The following GNAL variants were observed in gnomAD, a reference collection of about 807,000 sequenced individuals.
The protein encoded by GNAL is guanine nucleotide-binding protein G(olf) subunit alpha.
GNAL carries 18 observed loss-of-function variants against 55.1 expected under a neutral mutation model. That is an observed-to-expected ratio of 0.33 (90% confidence interval 0.23 to 0.48). GNAL has a LOEUF of 0.48. Among genes scored for constraint, GNAL ranks in the 20% least tolerant of loss-of-function variants. The pLI, the probability that GNAL is intolerant of heterozygous loss-of-function variation, is 0.99. For missense variants in GNAL, 412 were observed against 614.1 expected, an observed-to-expected ratio of 0.67 and a Z score of 3.48; for synonymous variants, 253 against 237.0, an observed-to-expected ratio of 1.07 and a Z score of -0.62.
intron 4 of GNAL, among the ~76,000 whole-genome samples, chr18:11,791,731 A>G (rs879621148): frequency 3.9e-5 from 6 of 152,204 alleles, no homozygotes; most frequent in Non-Finnish European, 8.8e-5. Flanking sequence ...ACAGATATCT[A>G]TCAAGTTTTC....
intron 5 of GNAL, among the ~76,000 whole-genome samples, chr18:11,858,461 C>T (rs1408257054): frequency 6.6e-6 from 1 of 152,148 alleles, no homozygotes; most frequent in African/African-American, 2.4e-5. Context: ...AATGTTATAA[C>T]CCTTTAAAAT....
intron 1 of GNAL, among the ~76,000 whole-genome samples, chr18:11,717,064 C>T (rs768082041): frequency 2.0e-5 from 3 of 152,216 alleles, no homozygotes; most frequent in Non-Finnish European, 2.9e-5. Context: ...TCACGCATGG[C>T]GGGCTGCAGG....
In GNAL at chr18:11,752,788, C is replaced by T; in HGVS notation, c.377-65C>T. On this transcript the variant is annotated intron_variant, in intron 1 of 11. Transcript: ENST00000334049. This position sits in a 1 kb window ranked among gnomAD's most constrained non-coding sequence, Gnocchi z 4.5. ...GGGGAGGAGGATTGCTCAGACCCGG[C>T]TAGTGGTGAGAGATGGCAGCGATAT... The T allele has an allele frequency of 2.4e-6, 3 of 1,242,390 alleles. No individual in the cohort carries two copies. The highest frequency in any genetic ancestry group is 2.4e-5 in the South Asian group (2 of 83,572). The allele number at this position is 1,242,390 out of a possible 1,614,324, so 77.0% of individuals were successfully genotyped here. A position where few individuals can be genotyped will look rare whatever the true frequency, so the allele number is the denominator to read the frequency against.
chr18:11,730,352 GT>G (rs2032310316), intron 1 of GNAL, among the ~76,000 whole-genome samples: 1 of 151,762 alleles, frequency 6.6e-6, no homozygotes. Context: ...AGAGATGGGG[GT>G]TTCCCCACGT....
Position 11,753,118 on chromosome 18 carries a change from A to G in GNAL, c.449+193A>G, listed in dbSNP as rs977343967. Among the ~76,000 whole-genome samples, 10 of 152,198 alleles carry G rather than the reference A, an allele frequency of 6.6e-5. No homozygotes were observed. In the East Asian group the frequency reaches 1.9e-3, roughly 29 times the overall value. ...CTTCTTCTGCTAGTGTCTAATGAAA[A>G]AAAAACTTGCTTAACAAAATATGAT... On this transcript the variant is annotated intron_variant, in intron 2 of 11. Coordinates refer to ENST00000334049, the MANE Select transcript of GNAL (RefSeq NM_182978.4).
chr18:11,837,387 G>A (rs1230329888), intron 5 of GNAL, among the ~76,000 whole-genome samples: 2 of 152,202 alleles, frequency 1.3e-5, no homozygotes, highest in Non-Finnish European at 1.5e-5. Flanking sequence ...TAAAGGACTT[G>A]TATCTAGAAT....
intron 4 of GNAL, among the ~76,000 whole-genome samples, chr18:11,813,306 C>T (rs1354622253): frequency 6.6e-6 from 1 of 150,754 alleles, no homozygotes; most frequent in East Asian, 1.9e-4. Context: ...CAATTATGTT[C>T]ATGGATTACA....
intron 4 of GNAL, among the ~76,000 whole-genome samples, chr18:11,791,190 G>T (rs2034225001): frequency 6.6e-6 from 1 of 152,150 alleles, no homozygotes; most frequent in Non-Finnish European, 1.5e-5. Flanking sequence ...GTTTGTGTGG[G>T]TTCTTAAGCC....
chr18:11,715,234 C>T (rs535968912), intron 1 of GNAL, among the ~76,000 whole-genome samples: 37 of 151,590 alleles, frequency 2.4e-4, no homozygotes, highest in African/African-American at 4.8e-4. Flanking sequence ...CCGAGGTGGG[C>T]GGATCACAAG....
intron 4 of GNAL, among the ~76,000 whole-genome samples, chr18:11,814,381 AGCCAGGCATTGTG>A (rs543336292): frequency 4.9e-4 from 74 of 152,178 alleles, no homozygotes; most frequent in African/African-American, 1.7e-3. Context: ...AAAAAATATT[AGCCAGGCATTGTG>A]GCAGGTGCCT....
chr18:11,871,138 G>A (rs1343786523), intron 9 of GNAL, among the ~76,000 whole-genome samples: 1 of 151,650 alleles, frequency 6.6e-6, no homozygotes, highest in African/African-American at 2.4e-5. Context: ...ATTTTTTTCT[G>A]TATGTTTTTC....
rs2031176223 is a variant in GNAL, at chr18:11,689,783, A to C, written c.220A>C (p.Lys74Gln). The change falls in exon 1 of 12, where the codon AAG becomes CAG. Residue 74 changes from lysine (K) to glutamine (Q), a missense_variant. Lys to Gln is a moderately conservative substitution (Grantham distance 53). Transcript: ENST00000334049. ...ARPKADKPKE[K>Q]RQRTEQLSAE... ...GCCCAAAGCAGACAAGCCGAAGGAG[A>C]AGCGGCAGCGCACCGAGCAGCTGAG... 5 of 1,531,648 alleles carry C rather than the reference A, an allele frequency of 3.3e-6. No individual in the cohort carries two copies. The highest frequency in any genetic ancestry group is 2.0e-5 in the Admixed American group (1 of 50,476). The allele number at this position is 1,531,648 out of a possible 1,614,324, so 94.9% of individuals were successfully genotyped here.
At chr18:11,693,730 T>A (rs1167582860) in intron 1 of GNAL, among the ~76,000 whole-genome samples, 1 of 143,112 alleles carries the variant, frequency 7.0e-6, no homozygotes, top group Non-Finnish European at 1.5e-5. Context: ...GTGCACTTGC[T>A]CCAGCAGTGT....
intron 4 of GNAL, among the ~76,000 whole-genome samples, chr18:11,789,618 A>C (rs2034172607): frequency 6.6e-6 from 1 of 152,246 alleles, no homozygotes; most frequent in South Asian, 2.1e-4. Context: ...TATAAGCATA[A>C]ACAAAATGTA....
rs1304492744 is a variant in GNAL, at chr18:11,815,973, G to T, written c.625-8945G>T. 5.3e-5 allele frequency among the ~76,000 whole-genome samples: 8 copies of T among 151,992 alleles called. 1 individual carries two copies. The Middle Eastern group carries it at 0.01, about 194-fold the overall frequency. ...GAATAATTAAAATTAAGAAAATGAAGCCAAGCACTGGTGAGGATGTGCAAT... is the reference window on the plus strand; with the variant it reads ...GAATAATTAAAATTAAGAAAATGAATCCAAGCACTGGTGAGGATGTGCAAT... On this transcript the variant is annotated intron_variant, in intron 4 of 11. Transcript: ENST00000334049.
At chr18:11,801,910 G>A (rs1290612973) in intron 4 of GNAL, among the ~76,000 whole-genome samples, 1 of 152,142 alleles carries the variant, frequency 6.6e-6, no homozygotes, top group Non-Finnish European at 1.5e-5. Context: ...TTAGACACCT[G>A]AGTAGGGACC....
chr18:11,705,730 C>T (rs2031693106), intron 1 of GNAL, among the ~76,000 whole-genome samples: 5 of 150,906 alleles, frequency 3.3e-5, no homozygotes, highest in Admixed American at 3.3e-4. Context: ...TTTTCATATA[C>T]CTGCTGGACA....
chr18:11,879,931 A>G (rs1005970672), intron 11 of GNAL, among the ~76,000 whole-genome samples: 1 of 152,252 alleles, frequency 6.6e-6, no homozygotes, highest in African/African-American at 2.4e-5. Flanking sequence ...TGCACCGTCC[A>G]GTACAGAACC....
At chr18:11,712,600 A>G (rs1194793985) in intron 1 of GNAL, among the ~76,000 whole-genome samples, 1 of 152,250 alleles carries the variant, frequency 6.6e-6, no homozygotes, top group African/African-American at 2.4e-5. Flanking sequence ...AATAGAGACC[A>G]AAGGATGGTG....
Sources: allele counts gnomAD v4.1 joint callset (sites outside exome capture counted in the v4.1 genomes callset), GRCh38; gene constraint gnomAD v4.1.1; non-coding constraint Gnocchi (gnomAD v3.1); transcripts MANE v1.5; gene names NCBI Gene and HGNC (gene_info 2026-07-23, HGNC 2026-07-21).